The following CCNH variants were observed in gnomAD, a reference collection of about 807,000 sequenced individuals.
CCNH encodes the protein cyclin H.
Under a neutral mutation model 41.9 loss-of-function variants are expected in CCNH, and 31 were observed. The observed-to-expected ratio is 0.74, with a 90% CI of 0.56 to 1.00. The LOEUF is 1.00. Ranked by LOEUF, CCNH falls within the 50% of genes least tolerant of loss-of-function variation. The pLI, the probability that CCNH is intolerant of heterozygous loss-of-function variation, is 0.00. For synonymous variants in CCNH, 138 were observed against 136.1 expected (o/e 1.01, Z -0.10); for missense variants, 362 against 388.4 (o/e 0.93, Z 0.57).
downstream of CCNH, chr5:87,391,068 A>G (rs2112531228): frequency 1.5e-6 from 1 of 684,682 alleles, no homozygotes; most frequent in South Asian, 1.6e-5. Flanking sequence ...CTTGTAAGCT[A>G]TCTGTGCAGG....
chr5:87,398,673 G>A (rs1198476717), intron 7 of CCNH, among the ~76,000 whole-genome samples: 1 of 152,078 alleles, frequency 6.6e-6, no homozygotes, highest in Non-Finnish European at 1.5e-5. Context: ...AAATTACATG[G>A]CCTCTTTTCC....
chr5:87,371,006 T>C (rs550501401), intron 9 of CCNH, among the ~76,000 whole-genome samples: 5 of 152,284 alleles, frequency 3.3e-5, no homozygotes, highest in African/African-American at 1.2e-4. Context: ...AGAAAGGTAG[T>C]GCTCAAAACA....
At chr5:87,362,782 TG>T in intron 9 of CCNH, 1 of 1,284,564 alleles carries the variant, frequency 7.8e-7, no homozygotes, top group Non-Finnish European at 1.1e-6. Flanking sequence ...TATTAGTAAT[TG>T]ACACTTGTTT....
downstream of CCNH, chr5:87,393,863 A>G (rs1321440681): frequency 6.6e-6 from 1 of 152,284 alleles, no homozygotes; most frequent in Non-Finnish European, 1.5e-5. Flanking sequence ...TACTAGCGTA[A>G]GAGTTTGATG....
intron 9 of CCNH, among the ~76,000 whole-genome samples, chr5:87,355,834 A>C (rs76182372): frequency 0.023 from 3,485 of 152,154 alleles, 138 homozygotes; most frequent in African/African-American, 0.079. Context: ...GCTGATTCCA[A>C]CTCTTTTGGA....
At chr5:87,397,158 ATTTTTTTTTTG>A (rs1763030488) in intron 7 of CCNH, among the ~76,000 whole-genome samples, 1 of 148,650 alleles carries the variant, frequency 6.7e-6, no homozygotes, top group Non-Finnish European at 1.5e-5. Context: ...GTGTTTCATA[ATTTTTTTTTTG>A]TTTTTTTTTT....
intron 9 of CCNH, among the ~76,000 whole-genome samples, chr5:87,346,997 A>G (rs905681131): frequency 7.2e-5 from 11 of 152,008 alleles, no homozygotes; most frequent in African/African-American, 2.4e-4. Context: ...ATATGTTTCT[A>G]GAAGTTTTCT....
chr5:87,362,894 CT>C (rs1760221059), intron 9 of CCNH, among the ~76,000 whole-genome samples: 1 of 149,186 alleles, frequency 6.7e-6, no homozygotes. Flanking sequence ...TTCTTTTTTT[CT>C]TTCTTTCTTT....
At chr5:87,349,159 ATCTTT>A (rs1299972012) in intron 9 of CCNH, 2 of 1,584,120 alleles carry the variant, frequency 1.3e-6, no homozygotes, top group Admixed American at 3.4e-5. Context: ...ACTACTTAAC[ATCTTT>A]TCTTTTTTAT....
Position 87,404,824 on chromosome 5 carries a change from G to A in CCNH, c.689+20C>T. On this transcript the variant is annotated intron_variant, in intron 5 of 8. Coordinates refer to ENST00000256897, the MANE Select transcript of CCNH (RefSeq NM_001239.4). ...AACCCAGTGACTGAATTTGACCTAA[G>A]TTAAAAAACTAATTAATACCTTTCC... is the stretch of plus-strand genomic sequence containing the variant. The A allele has an allele frequency of 1.9e-6, 3 of 1,572,020 alleles. No homozygotes were observed. Among genetic ancestry groups the A allele is most frequent in the East Asian group, 4.6e-5 (2 of 43,710 alleles).
intron 9 of CCNH, among the ~76,000 whole-genome samples, chr5:87,383,956 T>C (rs980043421): frequency 1.3e-5 from 2 of 152,070 alleles, no homozygotes; most frequent in African/African-American, 4.8e-5. Context: ...TGGGCTTTTT[T>C]CTTTTTGTTT....
intron 9 of CCNH, chr5:87,346,606 A>T: frequency 9.8e-7 from 1 of 1,016,824 alleles, no homozygotes; most frequent in Non-Finnish European, 1.5e-6. Context: ...TTGGTTGTTT[A>T]ATTTTGATCA....
At chr5:87,399,318 C>T in intron 7 of CCNH, 76 bp downstream of exon 7, 1 of 1,047,194 alleles carries the variant, frequency 9.5e-7, no homozygotes, top group Non-Finnish European at 1.5e-6. Flanking sequence ...TGAGCAAACA[C>T]CAATAAAATG....
chr5:87,389,300 C>T, downstream of CCNH: 2 of 1,509,732 alleles, frequency 1.3e-6, no homozygotes, highest in South Asian at 1.1e-5. Context: ...CATTGCATTT[C>T]AGCCTGGGCA....
At chr5:87,319,504 T>C (rs1756616358) in intron 9 of CCNH, among the ~76,000 whole-genome samples, 3 of 152,228 alleles carry the variant, frequency 2.0e-5, no homozygotes, top group African/African-American at 4.8e-5. Flanking sequence ...CCATGTGGAA[T>C]CCACCAAGGC....
intron 9 of CCNH, among the ~76,000 whole-genome samples, chr5:87,345,204 G>A (rs1333330999): frequency 6.6e-6 from 1 of 151,996 alleles, no homozygotes; most frequent in African/African-American, 2.4e-5. Flanking sequence ...CAAACCATGT[G>A]GTTGAAATAT....
intron 7 of CCNH, among the ~76,000 whole-genome samples, chr5:87,395,805 G>T (rs1580435764): frequency 6.6e-6 from 1 of 152,062 alleles, no homozygotes; most frequent in South Asian, 2.1e-4. Context: ...GAAGGCAGAG[G>T]GTGCAGTGAG....
rs931766652 is a variant in CCNH, at chr5:87,394,395, T to C, written c.*51A>G. The C allele has an allele frequency of 1.3e-6, 2 of 1,587,192 alleles. No homozygotes were observed. The highest frequency in any genetic ancestry group is 2.7e-5 in the African/African-American group (2 of 73,866). ...TTTAAATAAAGTTAAACGTTTGATA[T>C]GCTTCCTACTTCTCTTGATTAGTTA... On this transcript the variant is annotated 3_prime_UTR_variant, in exon 9 of 9. Transcript: ENST00000256897.
rs1738879457 is a variant in CCNH at position 87,411,282 on chromosome 5, T to C, written c.182A>G (p.Glu61Gly). 2.5e-6 allele frequency: 4 copies of C among 1,613,016 alleles called. No individual in the cohort carries two copies. The highest frequency in any genetic ancestry group is 1.3e-5 in the African/African-American group (1 of 75,014). ...CGAACAGAATTCCAATAACCTTTTC[T>C]CATAGTATTTGCAGAGTGTCATTTC... ...HEEMTLCKYY[E>G]KRLLEFCSVF... is the part of the protein sequence containing the mutation. The change falls in exon 2 of 9, where the codon GAG becomes GGG. Residue 61 changes from glutamate (E) to glycine (G), a missense_variant. Coordinates refer to ENST00000256897, the MANE Select transcript of CCNH (RefSeq NM_001239.4).
Sources: gnomAD v4.1 joint callset for allele counts (sites outside exome capture counted in the v4.1 genomes callset) on GRCh38, gnomAD v4.1.1 for gene constraint, MANE v1.5 for transcripts, NCBI Gene and HGNC (gene_info 2026-07-23, HGNC 2026-07-21) for gene names.